The following NRP1 variants were observed in gnomAD, a reference collection of about 807,000 sequenced individuals.
NRP1 encodes the protein neuropilin 1.
Under a neutral mutation model 106.7 loss-of-function variants are expected in NRP1, and 35 were observed. That is an observed-to-expected ratio of 0.33 (90% confidence interval 0.25 to 0.43). The LOEUF (loss-of-function observed/expected upper bound fraction) is 0.43, where lower values mean the gene tolerates loss of function less well. NRP1 is among the 20% of genes least tolerant of loss of function. NRP1 has a pLI of 1.00. For synonymous variants in NRP1, 437 were observed against 417.9 expected (o/e 1.05, Z -0.56); for missense variants, 1,024 against 1,170.4 (o/e 0.87, Z 1.83).
At chr10:33,248,972 G>C (rs920603996) in intron 6 of NRP1, among the ~76,000 whole-genome samples, 8 of 151,898 alleles carry the variant, frequency 5.3e-5, no homozygotes, top group African/African-American at 1.7e-4. Flanking sequence ...AGCCCGAGTT[G>C]GTTTGTCAAG....
At chr10:33,251,600 A>G (rs1173331305) in intron 6 of NRP1, among the ~76,000 whole-genome samples, 2 of 152,166 alleles carry the variant, frequency 1.3e-5, no homozygotes, top group Non-Finnish European at 2.9e-5. Flanking sequence ...AAAGAGATGG[A>G]TGATTTGAGA....
At chr10:33,251,685 T>C (rs756246254) in intron 6 of NRP1, among the ~76,000 whole-genome samples, 18 of 152,200 alleles carry the variant, frequency 1.2e-4, no homozygotes, top group Non-Finnish European at 2.4e-4. Flanking sequence ...TGTTCACAAA[T>C]GCTTTGTGAG....
intron 9 of NRP1, among the ~76,000 whole-genome samples, chr10:33,209,623 C>G (rs1838117471): frequency 6.6e-6 from 1 of 152,154 alleles, no homozygotes; most frequent in African/African-American, 2.4e-5. Context: ...CCTGCAGGTG[C>G]CCACCAACAT....
At chr10:33,317,901 G>A (rs1317365483) in intron 2 of NRP1, among the ~76,000 whole-genome samples, 5 of 152,186 alleles carry the variant, frequency 3.3e-5, no homozygotes, top group African/African-American at 1.2e-4. Flanking sequence ...TCTGTTGTGT[G>A]TATGTGCAGT....
chr10:33,202,869 G>A (rs779829660), intron 11 of NRP1, 22 bp downstream of exon 11: 1 of 1,614,192 alleles, frequency 6.2e-7, no homozygotes, highest in Admixed American at 1.7e-5. Context: ...GTACAGCAAT[G>A]GGATGAAGAT....
intron 11 of NRP1, chr10:33,202,531 A>T: frequency 2.4e-6 from 3 of 1,269,092 alleles, no homozygotes; most frequent in Non-Finnish European, 3.1e-6. Context: ...AAACATTCTG[A>T]AGTGTGTGGT....
At chr10:33,214,840 T>C (rs188922327) in intron 8 of NRP1, among the ~76,000 whole-genome samples, 1 of 152,282 alleles carries the variant, frequency 6.6e-6, no homozygotes, top group Admixed American at 6.5e-5. Flanking sequence ...TAGTGTTTCA[T>C]GGGTGCAGAG....
chr10:33,268,075 A>G (rs576094196), intron 3 of NRP1, among the ~76,000 whole-genome samples: 267 of 152,376 alleles, frequency 1.8e-3, no homozygotes, highest in Non-Finnish European at 3.0e-3. Context: ...TCAAAAGAAT[A>G]ATGATCCATG....
intron 7 of NRP1, among the ~76,000 whole-genome samples, chr10:33,225,929 T>G (rs190781630): frequency 2.1e-3 from 325 of 152,330 alleles, no homozygotes; most frequent in Non-Finnish European, 3.8e-3. Context: ...TGACTTTTTT[T>G]GGAAACATTC....
At chr10:33,309,818 G>A (rs1846441435) in intron 2 of NRP1, among the ~76,000 whole-genome samples, 1 of 152,148 alleles carries the variant, frequency 6.6e-6, no homozygotes, top group Admixed American at 6.5e-5. Context: ...GCCAACAAGT[G>A]ATTCCCACAT....
chr10:33,233,319 C>G (rs1430104935), intron 6 of NRP1, among the ~76,000 whole-genome samples: 1 of 152,144 alleles, frequency 6.6e-6, no homozygotes, highest in South Asian at 2.1e-4. Context: ...AAGATATCTA[C>G]AGGAACCATC....
At chr10:33,180,505 A>G in intron 16 of NRP1, 140 bp from the exon 17 acceptor site, 1 of 843,700 alleles carries the variant, frequency 1.2e-6, no homozygotes, top group Non-Finnish European at 1.8e-6. Context: ...TGTTGGGAAC[A>G]GAAGTGTGGG....
intron 2 of NRP1, among the ~76,000 whole-genome samples, chr10:33,272,092 A>G (rs1374839668): frequency 6.6e-6 from 1 of 152,244 alleles, no homozygotes; most frequent in African/African-American, 2.4e-5. Context: ...ATGATGCCCA[A>G]TGTCATCTTT....
At chr10:33,182,008 C>T (rs1327276726) in intron 16 of NRP1, among the ~76,000 whole-genome samples, 1 of 152,062 alleles carries the variant, frequency 6.6e-6, no homozygotes, top group African/African-American at 2.4e-5. Context: ...GCAGGAAAAT[C>T]GCTTGAACCT....
At chr10:33,239,416 C>T (rs752279619) in intron 6 of NRP1, among the ~76,000 whole-genome samples, 8 of 152,156 alleles carry the variant, frequency 5.3e-5, no homozygotes, top group African/African-American at 1.2e-4. Flanking sequence ...CTGGCATTGC[C>T]GGCAAGATCT....
intron 1 of NRP1, among the ~76,000 whole-genome samples, chr10:33,333,994 T>G (rs1848453686): frequency 6.6e-6 from 1 of 152,166 alleles, no homozygotes. Flanking sequence ...CTCTTCTAAT[T>G]GCCTTTGGGA....
At chr10:33,258,017 G>C (rs895087817) in intron 4 of NRP1, among the ~76,000 whole-genome samples, 2 of 152,152 alleles carry the variant, frequency 1.3e-5, no homozygotes, top group African/African-American at 4.8e-5. Flanking sequence ...CTTTAACAGG[G>C]ACGTGGTGTT....
At chr10:33,258,752 C>CT (rs1049950049) in intron 4 of NRP1, among the ~76,000 whole-genome samples, 2 of 151,576 alleles carry the variant, frequency 1.3e-5, no homozygotes, top group African/African-American at 2.4e-5. Flanking sequence ...TAATGCAACA[C>CT]TTTTTTTTTC....
At chr10:33,214,274 T>C (rs996975940) in intron 8 of NRP1, among the ~76,000 whole-genome samples, 9 of 152,108 alleles carry the variant, frequency 5.9e-5, no homozygotes, top group African/African-American at 2.2e-4. Flanking sequence ...CCCACCCCTA[T>C]TTCTAATTGC....
Sources: gnomAD v4.1 joint callset for allele counts (sites outside exome capture counted in the v4.1 genomes callset) on GRCh38, gnomAD v4.1.1 for gene constraint, MANE v1.5 for transcripts, NCBI Gene and HGNC (gene_info 2026-07-23, HGNC 2026-07-21) for gene names.